CACNA2D1: variants seen among roughly 807,000 people sequenced by gnomAD.
CACNA2D1 encodes voltage-dependent calcium channel subunit alpha-2/delta-1.
Under a neutral mutation model 171.5 loss-of-function variants are expected in CACNA2D1, and 53 were observed. The ratio of observed to expected loss-of-function variants is 0.31; its 90% confidence interval spans 0.25 to 0.39. The LOEUF (loss-of-function observed/expected upper bound fraction) is 0.39. CACNA2D1 is among the 10% of genes least tolerant of loss of function. The pLI is 1.00. For missense variants in CACNA2D1, 903 were observed against 1,299.8 expected, an observed-to-expected ratio of 0.69 and a Z score of 4.69; for synonymous variants, 442 against 443.1, an observed-to-expected ratio of 1.00 and a Z score of 0.03.
At position 82,408,450 on chromosome 7, in the gene CACNA2D1, G is replaced by A. The variant is rs142517592; in HGVS notation, c.95+34915C>T. On this transcript the variant is annotated intron_variant, in intron 1 of 38. Coordinates refer to ENST00000356860, the MANE Select transcript of CACNA2D1 (RefSeq NM_000722.4). Reference sequence around the variant, plus strand: ...AGTACACGAAACCTGACTTACTAATGTATGATACTTTGTATGACATCTGAA... The same window carrying A: ...AGTACACGAAACCTGACTTACTAATATATGATACTTTGTATGACATCTGAA... Among the ~76,000 whole-genome samples, 554 of 152,208 alleles carry A rather than the reference G, an allele frequency of 3.6e-3. 8 individuals are homozygous for A. Among genetic ancestry groups the A allele is most frequent in the African/African-American group, 0.012 (516 of 41,530 alleles).
intron 3 of CACNA2D1, among the ~76,000 whole-genome samples, chr7:82,211,134 G>C (rs1800505386): frequency 6.6e-6 from 1 of 152,070 alleles, no homozygotes; most frequent in Admixed American, 6.6e-5. Context: ...TTATGGTGAG[G>C]CTCCTTCTAG....
intron 26 of CACNA2D1, 128 bp from the exon 27 acceptor site, chr7:81,970,865 T>C (rs567290940): frequency 1.0e-5 from 7 of 689,232 alleles, no homozygotes; most frequent in Non-Finnish European, 1.9e-5. Flanking sequence ...TACACAACTA[T>C]GTTTTAATAA....
chr7:82,111,533 T>TGCC (rs935865100), intron 6 of CACNA2D1, among the ~76,000 whole-genome samples: 1 of 147,984 alleles, frequency 6.8e-6, no homozygotes, highest in African/African-American at 2.5e-5. Flanking sequence ...CTGAAACCTC[T>TGCC]GCCTCCTGGG....
At chr7:82,408,472 T>C (rs986911694) in intron 1 of CACNA2D1, among the ~76,000 whole-genome samples, 1 of 152,168 alleles carries the variant, frequency 6.6e-6, no homozygotes, top group Non-Finnish European at 1.5e-5. Context: ...GTATGACATC[T>C]GAATATATGA....
At chr7:82,242,728 C>T (rs1804454955) in intron 3 of CACNA2D1, among the ~76,000 whole-genome samples, 1 of 152,096 alleles carries the variant, frequency 6.6e-6, no homozygotes, top group Non-Finnish European at 1.5e-5. Flanking sequence ...AATAGAGTCA[C>T]TGCATTGATT....
chr7:82,378,408 A>G (rs919536845), intron 1 of CACNA2D1, among the ~76,000 whole-genome samples: 1 of 152,198 alleles, frequency 6.6e-6, no homozygotes, highest in African/African-American at 2.4e-5. Flanking sequence ...CTGAAAATAA[A>G]TAAATAAATA....
intron 1 of CACNA2D1, 136 bp downstream of exon 1, chr7:82,443,229 C>T: frequency 3.8e-6 from 3 of 779,544 alleles, no homozygotes; most frequent in Non-Finnish European, 5.7e-6. Flanking sequence ...GGCGTCTCCG[C>T]ATCCGAGCCT....
At chr7:82,293,738 G>A (rs73164266) in intron 3 of CACNA2D1, among the ~76,000 whole-genome samples, 1 of 152,270 alleles carries the variant, frequency 6.6e-6, no homozygotes, top group Non-Finnish European at 1.5e-5. Context: ...TTCAGTATGG[G>A]AAGGATCTGG....
intron 1 of CACNA2D1, among the ~76,000 whole-genome samples, chr7:82,365,563 G>A (rs1238940065): frequency 1.3e-5 from 2 of 152,156 alleles, no homozygotes; most frequent in Non-Finnish European, 2.9e-5. Flanking sequence ...ATTGATTTTT[G>A]TGGTGTAGAC....
intron 3 of CACNA2D1, among the ~76,000 whole-genome samples, chr7:82,326,820 A>T (rs551090372): frequency 9.1e-6 from 1 of 109,830 alleles, no homozygotes; most frequent in Non-Finnish European, 2.3e-5. Flanking sequence ...ATCAGATCCT[A>T]TCTAACGTGA....
intron 3 of CACNA2D1, among the ~76,000 whole-genome samples, chr7:82,195,719 C>G (rs1585066395): frequency 6.6e-6 from 1 of 151,802 alleles, no homozygotes; most frequent in Admixed American, 6.6e-5. Flanking sequence ...CCTTTCAACC[C>G]TTTCACAGCT....
intron 3 of CACNA2D1, among the ~76,000 whole-genome samples, chr7:82,196,147 C>T (rs1408965817): frequency 6.6e-6 from 1 of 152,008 alleles, no homozygotes; most frequent in Non-Finnish European, 1.5e-5. Context: ...TACATAGCTT[C>T]AAAGTAGAAG....
At chr7:82,306,369 T>C (rs941534990) in intron 3 of CACNA2D1, among the ~76,000 whole-genome samples, 6 of 152,162 alleles carry the variant, frequency 3.9e-5, no homozygotes, top group Non-Finnish European at 5.9e-5. Flanking sequence ...AGAAGTTCCA[T>C]CCCTTTAAGA....
intron 12 of CACNA2D1, among the ~76,000 whole-genome samples, chr7:82,015,572 GATTTTTA>G: frequency 6.6e-6 from 1 of 151,960 alleles, no homozygotes; most frequent in South Asian, 2.1e-4. Context: ...CATATATATT[GATTTTTA>G]CTAATTTAGT....
intron 3 of CACNA2D1, among the ~76,000 whole-genome samples, chr7:82,226,319 C>T (rs1366225893): frequency 6.6e-6 from 1 of 152,166 alleles, no homozygotes; most frequent in Non-Finnish European, 1.5e-5. Context: ...GGGCATTTCA[C>T]ATCTGTTTTC....
intron 6 of CACNA2D1, among the ~76,000 whole-genome samples, chr7:82,089,428 T>C (rs1263184160): frequency 6.6e-6 from 1 of 152,190 alleles, no homozygotes; most frequent in Non-Finnish European, 1.5e-5. Context: ...AAGTCTTTTA[T>C]AGATGTCCAA....
At chr7:82,094,156 C>T (rs1811575156) in intron 6 of CACNA2D1, among the ~76,000 whole-genome samples, 1 of 152,000 alleles carries the variant, frequency 6.6e-6, no homozygotes, top group Admixed American at 6.6e-5. Context: ...AAGATCAGAT[C>T]CATTGAAGCA....
At chr7:82,199,422 C>A (rs1379210143) in intron 3 of CACNA2D1, among the ~76,000 whole-genome samples, 1 of 151,906 alleles carries the variant, frequency 6.6e-6, no homozygotes, top group Non-Finnish European at 1.5e-5. Flanking sequence ...TTTGGGGGCT[C>A]CAAAACACGT....
At chr7:82,284,767 G>A (rs1810544766) in intron 3 of CACNA2D1, among the ~76,000 whole-genome samples, 1 of 152,218 alleles carries the variant, frequency 6.6e-6, no homozygotes, top group Non-Finnish European at 1.5e-5. Flanking sequence ...TGAGGGTTAA[G>A]TTCCAATATA....
Sources: gnomAD v4.1 joint callset for allele counts (sites outside exome capture counted in the v4.1 genomes callset) on GRCh38, gnomAD v4.1.1 for gene constraint, MANE v1.5 for transcripts, NCBI Gene and HGNC (gene_info 2026-07-23, HGNC 2026-07-21) for gene names.